Variants in TMOD3 observed in about 807,000 individuals in gnomAD.
The protein encoded by TMOD3 is tropomodulin-3.
TMOD3 carries 20 observed loss-of-function variants against 39.2 expected under a neutral mutation model. The ratio of observed to expected loss-of-function variants is 0.51; its 90% CI spans 0.36 to 0.74. The LOEUF (loss-of-function observed/expected upper bound fraction) is 0.74. TMOD3 is among the 30% of genes least tolerant of loss of function. The pLI, the probability that TMOD3 is intolerant of heterozygous loss-of-function variation, is 0.00. For missense variants in TMOD3, 381 were observed against 412.8 expected (o/e 0.92, Z 0.67); for synonymous variants, 143 against 145.8 (o/e 0.98, Z 0.14).
At chr15:51,875,654 C>T (rs990095871) in intron 3 of TMOD3, among the ~76,000 whole-genome samples, 4 of 134,240 alleles carry the variant, frequency 3.0e-5, no homozygotes, top group Non-Finnish European at 1.5e-5. Context: ...CTTGCTCTGT[C>T]GCCCAGGCTG....
chr15:51,906,286 A>C (rs1247002177), intron 9 of TMOD3, among the ~76,000 whole-genome samples: 1 of 151,858 alleles, frequency 6.6e-6, no homozygotes. Flanking sequence ...GTACTAACTC[A>C]AAAGAGATAA....
chr15:51,839,644 TCAAA>T (rs2056303873), intron 1 of TMOD3, among the ~76,000 whole-genome samples: 1 of 152,084 alleles, frequency 6.6e-6, no homozygotes, highest in South Asian at 2.1e-4. Flanking sequence ...ACTCCTGAGC[TCAAA>T]CAATCCTCCT....
intron 9 of TMOD3, among the ~76,000 whole-genome samples, chr15:51,905,975 A>G (rs113561089): frequency 3.4e-5 from 5 of 148,614 alleles, no homozygotes; most frequent in African/African-American, 9.9e-5. Context: ...AAAAAAAAAA[A>G]AAAAAGAAAT....
Position 51,915,318 on chromosome 15 carries a change from G to GT in TMOD3, c.*6514dup, listed in dbSNP as rs1450421372. Reference sequence around the variant, plus strand: ...TTTCAGATCAATCCATTTAAGAATTGTTTTTTCAAATGTATATACACGTAT... The same window carrying GT: ...TTTCAGATCAATCCATTTAAGAATTGTTTTTTTCAAATGTATATACACGTAT... On this transcript the variant is annotated 3_prime_UTR_variant, in exon 10 of 10. Transcript: ENST00000308580. The GT allele has an allele frequency of 1.3e-5, 2 of 151,476 alleles. No individual in the cohort carries two copies. The highest frequency in any genetic ancestry group is 2.9e-5 in the Non-Finnish European group (2 of 67,838). The allele number at this position is 151,476 out of a possible 1,614,324, so 9.4% of individuals were successfully genotyped here.
At chr15:51,899,953 A>T (rs1407747298) in intron 7 of TMOD3, among the ~76,000 whole-genome samples, 1 of 152,220 alleles carries the variant, frequency 6.6e-6, no homozygotes. Context: ...AGATTTTGGT[A>T]TCTGCAGATG....
Position 51,910,708 on chromosome 15 carries a change from C to T in TMOD3, c.*1898C>T, listed in dbSNP as rs2056706067. 6.6e-6 allele frequency: 1 copy of T among 151,462 alleles called. No individual in the cohort carries two copies. Among genetic ancestry groups the T allele is most frequent in the South Asian group, 2.1e-4 (1 of 4,814 alleles). 9.4% of individuals were successfully genotyped at this position (151,462 alleles called of 1,614,324 possible). ...TATGGTAATAAGCCTTCTTAACAGG[C>T]TAAGCTTCCCTCATAAGAACTGTGG... On this transcript the variant is annotated 3_prime_UTR_variant, in exon 10 of 10. Transcript: ENST00000308580.
chr15:51,852,156 T>C (rs963620964), intron 1 of TMOD3, among the ~76,000 whole-genome samples: 2 of 152,240 alleles, frequency 1.3e-5, no homozygotes, highest in African/African-American at 4.8e-5. Context: ...AACAAGTAAT[T>C]CATGGCGTAG....
In TMOD3 at chr15:51,908,809, A is replaced by G. The variant is rs2056695356; in HGVS notation, c.1058A>G (p.Ter353=). Residue 353 remains the stop codon, a stop_retained_variant, in exon 10 of 10, where the codon TAA becomes TGA. Coordinates refer to ENST00000308580, the MANE Select transcript of TMOD3 (RefSeq NM_014547.5). ...AGACGAGTTGAAGGAGATCACCAGTAAGTCTGCAAAGGTGTAATCTTTGGA... is the reference window on the plus strand; with the variant it reads ...AGACGAGTTGAAGGAGATCACCAGTGAGTCTGCAAAGGTGTAATCTTTGGA... ...RKRRVEGDHQ[*] 6.2e-7 allele frequency: 1 copy of G among 1,607,014 alleles called. No individual in the cohort carries two copies. Among genetic ancestry groups the G allele is most frequent in the Non-Finnish European group, 8.5e-7 (1 of 1,177,150 alleles).
At chr15:51,860,707 G>T in intron 1 of TMOD3, 1 of 420,054 alleles carries the variant, frequency 2.4e-6, no homozygotes, top group Non-Finnish European at 4.7e-6. Flanking sequence ...AGGCCGAGGC[G>T]GGTGGATCAC....
intron 7 of TMOD3, among the ~76,000 whole-genome samples, chr15:51,897,164 A>G (rs2056624879): frequency 6.6e-6 from 1 of 152,166 alleles, no homozygotes; most frequent in South Asian, 2.1e-4. Context: ...CAACTTCTAA[A>G]TATTGGAATG....
chr15:51,891,736 A>G (rs1218989789), intron 5 of TMOD3, among the ~76,000 whole-genome samples: 1 of 151,078 alleles, frequency 6.6e-6, no homozygotes, highest in East Asian at 2.0e-4. Flanking sequence ...TCAATTTTCC[A>G]TTCAATGAGG....
At chr15:51,854,139 T>G (rs2056376675) in intron 1 of TMOD3, among the ~76,000 whole-genome samples, 1 of 152,184 alleles carries the variant, frequency 6.6e-6, no homozygotes, top group Non-Finnish European at 1.5e-5. Flanking sequence ...TTGGACTTTC[T>G]CTTGTAGGTC....
chr15:51,842,213 A>G (rs1259556880), intron 1 of TMOD3, among the ~76,000 whole-genome samples: 1 of 152,172 alleles, frequency 6.6e-6, no homozygotes, highest in Non-Finnish European at 1.5e-5. Context: ...TGTGCCTGCT[A>G]TCTTGAAACT....
At chr15:51,883,273 C>G (rs2056543587) in intron 3 of TMOD3, among the ~76,000 whole-genome samples, 1 of 151,956 alleles carries the variant, frequency 6.6e-6, no homozygotes, top group African/African-American at 2.4e-5. Context: ...TGCTGAGATT[C>G]ATTTTGTATT....
rs570197269 is a variant in TMOD3, at chr15:51,859,204, A to G, written c.-74-3607A>G. The G allele has an allele frequency of 1.0e-4, 77 of 736,530 alleles. 7 individuals are homozygous for G. The East Asian group carries it at 1.5e-3, about 14-fold the overall frequency. 45.6% of individuals were successfully genotyped at this position (736,530 alleles called of 1,614,324 possible). On this transcript the variant is annotated intron_variant, in intron 1 of 9. Coordinates refer to ENST00000308580, the MANE Select transcript of TMOD3 (RefSeq NM_014547.5). The stretch of plus-strand genomic sequence containing the variant: ...CCTCTTCACAAACGGCCAGTCTGAT[A>G]CATAGCATGTTTAGCTACAGATGCC...
At chr15:51,834,504 C>G (rs962810179) in intron 1 of TMOD3, among the ~76,000 whole-genome samples, 2 of 152,100 alleles carry the variant, frequency 1.3e-5, no homozygotes, top group Non-Finnish European at 2.9e-5. Flanking sequence ...ATATAGATAT[C>G]TAGTTGTTCC....
chr15:51,875,802 T>C (rs539032451), intron 3 of TMOD3, among the ~76,000 whole-genome samples: 5 of 152,060 alleles, frequency 3.3e-5, no homozygotes, highest in African/African-American at 1.2e-4. Context: ...GTATTTTTAG[T>C]AGAGACAGGG....
chr15:51,840,738 T>G lies in TMOD3; in HGVS notation c.-75+10902T>G, dbSNP rs576236249. Among the ~76,000 whole-genome samples, 11 of 152,344 alleles carry G rather than the reference T, an allele frequency of 7.2e-5. No individual in the cohort carries two copies. In the East Asian group the frequency reaches 1.9e-3, roughly 27 times the overall value. ...ATATCGACTTTAGAATTCATTTTTT[T>G]GCATCATTTATTGTACCGTGCTATT... On this transcript the variant is annotated intron_variant, in intron 1 of 9. Coordinates refer to ENST00000308580, the MANE Select transcript of TMOD3 (RefSeq NM_014547.5).
intron 9 of TMOD3, among the ~76,000 whole-genome samples, chr15:51,905,950 CAAAAAAAAAAAA>C (rs869172248): frequency 1.2e-3 from 80 of 64,744 alleles, no homozygotes; most frequent in African/African-American, 4.5e-3. Flanking sequence ...GACTCCGTCT[CAAAAAAAAAAAA>C]AAAAAAAAAA....
Sources: gnomAD v4.1 joint callset for allele counts (sites outside exome capture counted in the v4.1 genomes callset) on GRCh38, gnomAD v4.1.1 for gene constraint, MANE v1.5 for transcripts, NCBI Gene and HGNC (gene_info 2026-07-23, HGNC 2026-07-21) for gene names.